CHRD: variants seen among roughly 807,000 people sequenced by gnomAD.
CHRD encodes the protein chordin.
CHRD carries 69 observed loss-of-function variants against 113.7 expected under a neutral mutation model. That is an observed-to-expected ratio of 0.61 (90% CI 0.50 to 0.74). The LOEUF is 0.74. Among genes scored for constraint, CHRD ranks in the 30% least tolerant of loss-of-function variants. The pLI is 0.00. For missense variants in CHRD, 1,194 were observed against 1,295.8 expected (o/e 0.92, Z 1.21); for synonymous variants, 561 against 540.8 (o/e 1.04, Z -0.52).
chr3:184,382,209 G>T (rs1715548431), intron 6 of CHRD, 180 bp from the exon 7 acceptor site: 4 of 1,225,104 alleles, frequency 3.3e-6, no homozygotes, highest in Non-Finnish European at 4.7e-6. Context: ...CACACAGCTA[G>T]TAAGTGGTGC....
rs923834325 is a variant in CHRD at position 184,380,973 on chromosome 3, C to T, written c.252+178C>T. 3 of 735,634 alleles carry T rather than the reference C, an allele frequency of 4.1e-6. No individual in the cohort carries two copies. The highest frequency in any genetic ancestry group is 7.2e-6 in the Non-Finnish European group (3 of 416,050). 45.6% of individuals were successfully genotyped at this position (735,634 alleles called of 1,614,324 possible). On this transcript the variant is annotated intron_variant, in intron 2 of 22. Coordinates refer to ENST00000204604, the Ensembl canonical transcript of CHRD. The surrounding 1 kb of genome is among the most constrained non-coding windows in gnomAD (Gnocchi z 6.3). ...ATTCTTAGGTGCTGTTACTGATCGC[C>T]CACTCTGTGTGAGGCTCTGTGCCAA...
In CHRD at chr3:184,384,331, T is replaced by C. The variant is rs1487966559; in HGVS notation, c.1441-206T>C. Among the ~76,000 whole-genome samples the C allele has an allele frequency of 6.6e-6, 1 of 152,234 alleles. No homozygotes were observed. Among genetic ancestry groups the C allele is most frequent in the Non-Finnish European group, 1.5e-5 (1 of 68,048 alleles). On this transcript the variant is annotated intron_variant, in intron 12 of 22. Coordinates refer to ENST00000204604, the Ensembl canonical transcript of CHRD. The surrounding 1 kb of genome is among the most constrained non-coding windows in gnomAD (Gnocchi z 4.4). ...ATTTGAGAGATGAGGAAGTGAAGAC[T>C]TGGAGAAGTTAAGTTACTCTTGAAG...
chr3:184,384,824 T>C lies in CHRD; in HGVS notation c.1597+131T>C, dbSNP rs1006414618. 106 of 1,320,556 alleles carry C rather than the reference T, an allele frequency of 8.0e-5. No individual in the cohort carries two copies. The highest frequency in any genetic ancestry group is 1.1e-4 in the Non-Finnish European group (106 of 976,630). 81.8% of individuals were successfully genotyped at this position (1,320,556 alleles called of 1,614,324 possible). A position where few individuals can be genotyped will look rare whatever the true frequency, so the allele number is the denominator to read the frequency against. ...GTTGCCATCTGAAGGTGGGGACATA[T>C]AGGGTGGCCCTGCTGGCGGACTCTT... On this transcript the variant is annotated intron_variant, in intron 13 of 22. Coordinates refer to ENST00000204604, the Ensembl canonical transcript of CHRD. The surrounding 1 kb of genome is among the most constrained non-coding windows in gnomAD (Gnocchi z 4.4).
In CHRD at chr3:184,387,269, G is replaced by T; in HGVS notation, c.2348-105G>T. 7.2e-7 allele frequency: 1 copy of T among 1,392,234 alleles called. No homozygotes were observed. Among genetic ancestry groups the T allele is most frequent in the Non-Finnish European group, 9.9e-7 (1 of 1,010,068 alleles). 86.2% of individuals were successfully genotyped at this position (1,392,234 alleles called of 1,614,324 possible). On this transcript the variant is annotated intron_variant, in intron 18 of 22. Coordinates refer to ENST00000204604, the Ensembl canonical transcript of CHRD. The surrounding 1 kb of genome is among the most constrained non-coding windows in gnomAD (Gnocchi z 6.1). ...ATTAGTGTTACTGGCCCCCAGGTGG[G>T]CCCTTGGCTTAGGCTCGTGTGGGGG...
At position 184,388,625 on chromosome 3, in the gene CHRD, C is replaced by A. The variant is rs1293997980; in HGVS notation, c.2593C>A (p.Gln865Lys). The A allele has an allele frequency of 1.2e-6, 2 of 1,612,970 alleles. No homozygotes were observed. Among genetic ancestry groups the A allele is most frequent in the East Asian group, 4.5e-5 (2 of 44,898 alleles). The change falls in exon 21 of 23, where the codon CAG becomes AAG. Residue 865 changes from glutamine (Q) to lysine (K), a missense_variant. Coordinates refer to ENST00000204604, the Ensembl canonical transcript of CHRD. This position sits in a 1 kb window ranked among gnomAD's most constrained non-coding sequence, Gnocchi z 6.1. ...CCACCCCCAGCTGGGGGACCCCATG[C>A]AGGCTGATGGGCCCCGGGGCTGCCG...
chr3:184,388,732 C>T lies in CHRD; in HGVS notation c.2700C>T (p.Cys900=). Reference sequence around the variant, plus strand: ...TTGGAGAGATGAGCTGTATCACCTGCAGATGTGGGGTAAGTGGGGAGCAGA... The same window carrying T: ...TTGGAGAGATGAGCTGTATCACCTGTAGATGTGGGGTAAGTGGGGAGCAGA... Residue 900 remains cysteine, a synonymous_variant, in exon 21 of 23, where the codon TGC becomes TGT. Coordinates refer to ENST00000204604, the Ensembl canonical transcript of CHRD. This position sits in a 1 kb window ranked among gnomAD's most constrained non-coding sequence, Gnocchi z 6.1. The T allele has an allele frequency of 6.2e-7, 1 of 1,613,970 alleles. No homozygotes were observed. The highest frequency in any genetic ancestry group is 8.5e-7 in the Non-Finnish European group (1 of 1,179,984).
At chr3:184,382,861 A>T in exon 9 of CHRD, 1 of 1,613,030 alleles carries the variant, frequency 6.2e-7, no homozygotes, top group Non-Finnish European at 8.5e-7. Context: ...TGCAGGACTA[A>T]CCCAGGTTCC....
In CHRD at chr3:184,381,396, G is replaced by T. The variant is rs1427967079; in HGVS notation, c.382+32G>T. On this transcript the variant is annotated intron_variant, in intron 3 of 22. Coordinates refer to ENST00000204604, the Ensembl canonical transcript of CHRD. This position sits in a 1 kb window ranked among gnomAD's most constrained non-coding sequence, Gnocchi z 4.7. ...CTTGCTCCGCCCTGCGGGGAGGGAG[G>T]CAGGGCCACGATACTAGGTCCCGGG... The T allele has an allele frequency of 1.3e-6, 2 of 1,593,394 alleles. No homozygotes were observed. The highest frequency in any genetic ancestry group is 1.1e-5 in the South Asian group (1 of 89,082).
intron 10 of CHRD, 65 bp downstream of exon 10, chr3:184,383,228 G>A (rs1715752824): frequency 1.9e-6 from 3 of 1,589,436 alleles, no homozygotes; most frequent in Admixed American, 1.7e-5. Flanking sequence ...CAAGTGCCAG[G>A]GTGGGTGTGG....
Position 184,384,607 on chromosome 3 carries a change from A to G in CHRD, c.1511A>G (p.Asn504Ser). Residue 504 changes from asparagine to serine, a missense_variant, in exon 13 of 23, where the codon AAC (asparagine) becomes AGC (serine). Transcript: ENST00000204604. This position sits in a 1 kb window ranked among gnomAD's most constrained non-coding sequence, Gnocchi z 4.4. ...CTGCTGCAGAATGAGCTCTTCCTGA[A>G]CGTGGGCACCAAGGACTTCCCAGAC... 1 of 1,609,878 alleles carries G rather than the reference A, an allele frequency of 6.2e-7. No individual in the cohort carries two copies. The highest frequency in any genetic ancestry group is 1.7e-5 in the Admixed American group (1 of 59,282).
At position 184,383,431 on chromosome 3, in the gene CHRD, G is replaced by A. The variant is rs116654702; in HGVS notation, c.1320+13G>A. The A allele has an allele frequency of 6.5e-4, 1,043 of 1,613,512 alleles. 6 individuals carry two copies. The African/African-American group carries it at 0.013, about 20-fold the overall frequency. On this transcript the variant is annotated intron_variant, in intron 11 of 22. Transcript: ENST00000204604. The stretch of plus-strand genomic sequence containing the variant: ...CCTGATCTATCAGGTAAGAGCCAGG[G>A]GCTGCAGAAGGTGGGGGAGGGGTGG...
In CHRD at chr3:184,386,629, C is replaced by T. The variant is rs750486072; in HGVS notation, c.2070C>T (p.Pro690=). The stretch of plus-strand genomic sequence containing the variant: ...TGCCTGGTCTCCCGGCCCTAGCGCC[C>T]GCCAAACCTGGTGGTCCTGGGCGGC... The change falls in exon 16 of 23, where the codon CCC becomes CCT. Residue 690 remains proline, a synonymous_variant. Coordinates refer to ENST00000204604, the Ensembl canonical transcript of CHRD. 72 of 1,609,250 alleles carry T rather than the reference C, an allele frequency of 4.5e-5. No individual in the cohort carries two copies. The East Asian group carries it at 5.1e-4, about 11-fold the overall frequency.
In CHRD at chr3:184,384,627, C is replaced by G. The variant is rs767294717; in HGVS notation, c.1531C>G (p.Pro511Ala). 1 of 1,609,092 alleles carries G rather than the reference C, an allele frequency of 6.2e-7. No individual in the cohort carries two copies. The highest frequency in any genetic ancestry group is 1.1e-5 in the South Asian group (1 of 90,426). ...CCTGAACGTGGGCACCAAGGACTTC[C>G]CAGACGGAGAGCTTCGGGGGCACGT... is the stretch of plus-strand genomic sequence containing the variant. Residue 511 changes from proline (P) to alanine (A), a missense_variant, in exon 13 of 23, where the codon CCA becomes GCA. Coordinates refer to ENST00000204604, the Ensembl canonical transcript of CHRD. This position sits in a 1 kb window ranked among gnomAD's most constrained non-coding sequence, Gnocchi z 4.4.
exon 9 of CHRD, chr3:184,382,935 C>A (rs1438277268): frequency 6.2e-7 from 1 of 1,613,916 alleles, no homozygotes; most frequent in Non-Finnish European, 8.5e-7. Context: ...ATGTCTCAGC[C>A]CAGGTGAGTG....
chr3:184,381,610 G>A lies in CHRD; in HGVS notation c.497G>A (p.Gly166Asp), dbSNP rs149561137. 2.2e-5 allele frequency: 36 copies of A among 1,606,892 alleles called. No homozygotes were observed. Among genetic ancestry groups the A allele is most frequent in the Non-Finnish European group, 3.1e-5 (36 of 1,176,622 alleles). Residue 166 changes from glycine to aspartate, a missense_variant, in exon 4 of 23, where the codon GGT (glycine) becomes GAT (aspartate). Gly to Asp is a moderately conservative substitution (Grantham distance 94). Coordinates refer to ENST00000204604, the Ensembl canonical transcript of CHRD. This position sits in a 1 kb window ranked among gnomAD's most constrained non-coding sequence, Gnocchi z 4.7. ...CCAGGCGCTGAGGAGCGGGCCCGTG[G>A]TGACGGCCACACGGGTAGGGGGCTG...
intron 14 of CHRD, 25 bp from the exon 15 acceptor site, chr3:184,386,021 T>C (rs773669655): frequency 7.4e-6 from 12 of 1,612,806 alleles, no homozygotes; most frequent in South Asian, 1.1e-5. Context: ...GCCTTATTCC[T>C]ATCCATTGTC....
In CHRD at chr3:184,380,343, G is replaced by GC; in HGVS notation, c.29dup (p.Leu11AlafsTer29). 7.4e-7 allele frequency: 1 copy of GC among 1,351,540 alleles called. No individual in the cohort carries two copies. Among genetic ancestry groups the GC allele is most frequent in the Non-Finnish European group, 9.6e-7 (1 of 1,041,484 alleles). The allele number at this position is 1,351,540 out of a possible 1,614,324, so 83.7% of individuals were successfully genotyped here. A position where few individuals can be genotyped will look rare whatever the true frequency, so the allele number is the denominator to read the frequency against. On this transcript the variant is annotated frameshift_variant, in exon 1 of 23. Coordinates refer to ENST00000204604, the Ensembl canonical transcript of CHRD. LOFTEE classifies it high-confidence loss of function. The surrounding 1 kb of genome is among the most constrained non-coding windows in gnomAD (Gnocchi z 6.3). ...CATGCCGAGCCTCCCGGCCCCGCCG[G>GC]CCCCGCTGCTGCTCCTCGGGCTGCT...
chr3:184,387,614 C>A lies in CHRD; in HGVS notation c.2451+137C>A. The A allele has an allele frequency of 1.2e-6, 1 of 832,260 alleles. No homozygotes were observed. Among genetic ancestry groups the A allele is most frequent in the Non-Finnish European group, 1.8e-6 (1 of 547,552 alleles). The allele number at this position is 832,260 out of a possible 1,614,324, so 51.6% of individuals were successfully genotyped here. ...AACGATATGAGAAAAGGCCCTTGCG[C>A]TCTGAGAGTCGGCTTCCTGTGGGAA... On this transcript the variant is annotated intron_variant, in intron 19 of 22. Transcript: ENST00000204604. The surrounding 1 kb of genome is among the most constrained non-coding windows in gnomAD (Gnocchi z 6.1).
chr3:184,385,025 C>T (rs144074946), exon 14 of CHRD: 222 of 1,613,714 alleles, frequency 1.4e-4, no homozygotes, highest in Non-Finnish European at 1.7e-4. Flanking sequence ...CAGCGCTGCC[C>T]GTGCCCCTAG....
Sources: gnomAD v4.1 joint callset for allele counts (sites outside exome capture counted in the v4.1 genomes callset) on GRCh38, gnomAD v4.1.1 for gene constraint, Gnocchi (gnomAD v3.1) non-coding constraint, MANE v1.5 for transcripts, NCBI Gene and HGNC (gene_info 2026-07-23, HGNC 2026-07-21) for gene names.